The following CAT variants were observed in gnomAD, a reference collection of about 807,000 sequenced individuals.
The protein encoded by CAT is epididymis secretory sperm binding protein.
Under a neutral mutation model 59.0 loss-of-function variants are expected in CAT, and 43 were observed. The ratio of observed to expected loss-of-function variants is 0.73; its 90% CI spans 0.57 to 0.94. CAT has a LOEUF of 0.94. Ranked by LOEUF, CAT falls within the 40% of genes least tolerant of loss-of-function variation. The probability of loss-of-function intolerance (pLI) is 0.00; values close to 1 mark genes in which losing one functional copy is unlikely to be tolerated. For synonymous variants in CAT, 218 were observed against 230.9 expected, an observed-to-expected ratio of 0.94 and a Z score of 0.51; for missense variants, 664 against 682.9, an observed-to-expected ratio of 0.97 and a Z score of 0.31.
At chr11:34,462,064 A>C (rs1856658439) in intron 9 of CAT, among the ~76,000 whole-genome samples, 1 of 152,120 alleles carries the variant, frequency 6.6e-6, no homozygotes, top group African/African-American at 2.4e-5. Context: ...TTGGTGTCGT[A>C]TACAAACAGC....
chr11:34,438,937 A>C lies in CAT; in HGVS notation c.-77A>C. 1 of 1,294,626 alleles carries C rather than the reference A, an allele frequency of 7.7e-7. No individual in the cohort carries two copies. 80.2% of individuals were successfully genotyped at this position (1,294,626 alleles called of 1,614,324 possible). A position where few individuals can be genotyped will look rare whatever the true frequency, so the allele number is the denominator to read the frequency against. On this transcript the variant is annotated 5_prime_UTR_variant, in exon 1 of 13. Coordinates refer to ENST00000241052, the MANE Select transcript of CAT (RefSeq NM_001752.4). ...GAAGTCGCCACGGACTCGGGGCAAC[A>C]GGCAGATTTGCCTGCTGAGGGTGGA...
intron 11 of CAT, 28 bp downstream of exon 11, chr11:34,468,423 C>G (rs1856743066): frequency 6.8e-7 from 1 of 1,480,240 alleles, no homozygotes; most frequent in Non-Finnish European, 9.5e-7. Flanking sequence ...GAAGGGTGTC[C>G]TCTGCTGGCT....
Position 34,449,345 on chromosome 11 carries a change from G to A in CAT, c.220G>A (p.Val74Met). 6.2e-7 allele frequency: 1 copy of A among 1,614,156 alleles called. No individual in the cohort carries two copies. The change falls in exon 2 of 13, where the codon GTG (valine) becomes ATG (methionine). Residue 74 changes from valine (V) to methionine (M), a missense_variant. Transcript: ENST00000241052. ...FDRERIPERV[V>M]HAKGAGAFGY... is the part of the protein sequence containing the mutation. The stretch of plus-strand genomic sequence containing the variant: ...CCGAGAGAGAATTCCTGAGAGAGTT[G>A]TGCATGCTAAAGGAGCAGGTAAGTG...
chr11:34,462,580 C>T (rs1018196554), intron 9 of CAT, among the ~76,000 whole-genome samples: 6 of 152,128 alleles, frequency 3.9e-5, no homozygotes, highest in Non-Finnish European at 7.3e-5. Context: ...TGTGCCACCA[C>T]GCCAGCTAAT....
intron 10 of CAT, among the ~76,000 whole-genome samples, chr11:34,465,685 T>C (rs1856706816): frequency 6.6e-6 from 1 of 152,254 alleles, no homozygotes; most frequent in African/African-American, 2.4e-5. Context: ...AGCATAATTC[T>C]GTGATGATGT....
chr11:34,464,062 C>G (rs1279037892), intron 9 of CAT, 43 bp from the exon 10 acceptor site: 1 of 1,611,530 alleles, frequency 6.2e-7, no homozygotes, highest in East Asian at 2.2e-5. Flanking sequence ...ACTTACTTGA[C>G]TTTTCTTATT....
intron 1 of CAT, among the ~76,000 whole-genome samples, chr11:34,447,216 T>G (rs767413564): frequency 7.9e-5 from 12 of 152,146 alleles, no homozygotes; most frequent in Non-Finnish European, 1.6e-4. Flanking sequence ...ACAGGAGTCA[T>G]TTAAAAATAG....
chr11:34,456,869 A>G, intron 8 of CAT, 52 bp downstream of exon 8: 2 of 1,580,766 alleles, frequency 1.3e-6, no homozygotes, highest in African/African-American at 2.7e-5. Context: ...GTGAGCATGC[A>G]CACACAAAAT....
In CAT at chr11:34,462,100, TAAGTC is replaced by T. The variant is rs948748602; in HGVS notation, c.1195+715_1195+719del. Among the ~76,000 whole-genome samples, 37 of 152,330 alleles carry T rather than the reference TAAGTC, an allele frequency of 2.4e-4. No homozygotes were observed. In the Middle Eastern group the frequency reaches 0.017, roughly 70 times the overall value. ...CTCTGGTTCTAATTACTTTTTCTAA[TAAGTC>T]AAGCAGAATGCTTGATTAAAGTTTT... is the stretch of plus-strand genomic sequence containing the variant. On this transcript the variant is annotated intron_variant, in intron 9 of 12. Transcript: ENST00000241052.
intron 8 of CAT, among the ~76,000 whole-genome samples, chr11:34,458,111 C>G (rs867957188): frequency 6.6e-6 from 1 of 152,216 alleles, no homozygotes; most frequent in African/African-American, 2.4e-5. Context: ...GATAGGAGGT[C>G]AGCCACGAAG....
intron 8 of CAT, among the ~76,000 whole-genome samples, chr11:34,457,315 C>T (rs926490939): frequency 1.8e-4 from 26 of 146,098 alleles, no homozygotes; most frequent in South Asian, 6.4e-4. Flanking sequence ...CAGGTTCAAG[C>T]GATCCTCCTG....
chr11:34,446,199 T>G (rs894304581), intron 1 of CAT, among the ~76,000 whole-genome samples: 1 of 152,184 alleles, frequency 6.6e-6, no homozygotes, highest in Non-Finnish European at 1.5e-5. Context: ...CTGGCTTCCC[T>G]TTTCTGTTGC....
At chr11:34,440,157 C>G (rs1352865513) in intron 1 of CAT, among the ~76,000 whole-genome samples, 1 of 152,150 alleles carries the variant, frequency 6.6e-6, no homozygotes, top group East Asian at 1.9e-4. Flanking sequence ...CCTATTCTGC[C>G]TAGTGCTCTT....
At chr11:34,444,079 G>C (rs1856422865) in intron 1 of CAT, among the ~76,000 whole-genome samples, 1 of 152,152 alleles carries the variant, frequency 6.6e-6, no homozygotes, top group Middle Eastern at 3.2e-3. Flanking sequence ...GCCAAAGAAA[G>C]AGGCTGACAA....
At chr11:34,454,665 T>G (rs1275820339) in intron 6 of CAT, among the ~76,000 whole-genome samples, 4 of 152,238 alleles carry the variant, frequency 2.6e-5, no homozygotes, top group African/African-American at 9.6e-5. Flanking sequence ...TCACCTCTTT[T>G]TATATTCATA....
At chr11:34,447,875 T>G (rs748773290) in intron 1 of CAT, among the ~76,000 whole-genome samples, 9 of 152,190 alleles carry the variant, frequency 5.9e-5, no homozygotes, top group Non-Finnish European at 7.4e-5. Context: ...AGCAGCTACA[T>G]AGCTGGTAAT....
Position 34,456,717 on chromosome 11 carries a change from A to G in CAT, c.956A>G (p.Asn319Ser). 1 of 1,614,094 alleles carries G rather than the reference A, an allele frequency of 6.2e-7. No individual in the cohort carries two copies. The highest frequency in any genetic ancestry group is 8.5e-7 in the Non-Finnish European group (1 of 1,179,934). ...PLIPVGKLVL[N>S]RNPVNYFAEV... ...ATCCCAGTTGGTAAACTGGTCTTAA[A>G]CCGGAATCCAGTTAATTACTTTGCT... Residue 319 changes from asparagine to serine, a missense_variant, in exon 8 of 13, where the codon AAC becomes AGC. Transcript: ENST00000241052.
At chr11:34,464,055 T>G in intron 9 of CAT, 50 bp from the exon 10 acceptor site, 1 of 1,604,400 alleles carries the variant, frequency 6.2e-7, no homozygotes, top group East Asian at 2.2e-5. Context: ...TTTGCAGACT[T>G]ACTTGACTTT....
intron 8 of CAT, among the ~76,000 whole-genome samples, chr11:34,457,434 T>C (rs1417143314): frequency 6.6e-6 from 1 of 152,066 alleles, no homozygotes; most frequent in East Asian, 1.9e-4. Context: ...CTCAAACTCC[T>C]GACCTCAAGT....
Sources: allele counts gnomAD v4.1 joint callset (sites outside exome capture counted in the v4.1 genomes callset), GRCh38; gene constraint gnomAD v4.1.1; transcripts MANE v1.5; gene names NCBI Gene and HGNC (gene_info 2026-07-23, HGNC 2026-07-21).